Variants in TMEM177 observed in about 807,000 individuals in gnomAD.
TMEM177 encodes transmembrane protein 177.
Under a neutral mutation model 14.2 loss-of-function variants are expected in TMEM177, and 4 were observed. That is an observed-to-expected ratio of 0.28 (90% CI 0.14 to 0.64). TMEM177 has a LOEUF of 0.64. Among genes scored for constraint, TMEM177 ranks in the 30% least tolerant of loss-of-function variants. The probability of loss-of-function intolerance (pLI) is 0.82; values close to 1 mark genes in which losing one functional copy is unlikely to be tolerated. For missense variants in TMEM177, 344 were observed against 405.2 expected (o/e 0.85, Z 1.30); for synonymous variants, 179 against 174.5 (o/e 1.03, Z -0.20).
chr2:119,684,918 A>G (rs1414601904), downstream of TMEM177, among the ~76,000 whole-genome samples: 1 of 152,152 alleles, frequency 6.6e-6, no homozygotes, highest in Non-Finnish European at 1.5e-5. Flanking sequence ...GTGAAGAAAC[A>G]TGCTCTAGGG....
chr2:119,709,474 A>G, the TMEM177 span, among the ~76,000 whole-genome samples: 1 of 152,202 alleles, frequency 6.6e-6, no homozygotes, highest in East Asian at 1.9e-4. Flanking sequence ...CCAGGAGTCC[A>G]AGACCAGCCT....
intron 1 of TMEM177, chr2:119,679,506 A>T (rs1355523000): frequency 6.6e-6 from 1 of 151,614 alleles, no homozygotes; most frequent in Non-Finnish European, 1.5e-5. Flanking sequence ...AGCCCGAATG[A>T]TAATGATTCT....
the TMEM177 span, among the ~76,000 whole-genome samples, chr2:119,693,191 G>A: frequency 6.6e-6 from 1 of 152,154 alleles, no homozygotes; most frequent in African/African-American, 2.4e-5. Context: ...TGGCCGCAGT[G>A]AGGAGGTAGG....
At chr2:119,684,852 A>C (rs12711933), downstream of TMEM177, among the ~76,000 whole-genome samples, 1 of 152,140 alleles carries the variant, frequency 6.6e-6, no homozygotes, top group Non-Finnish European at 1.5e-5. Context: ...GGCTTTAGGA[A>C]GATTTTTTTA....
the TMEM177 span, among the ~76,000 whole-genome samples, chr2:119,694,332 C>T: frequency 6.6e-6 from 1 of 151,300 alleles, no homozygotes; most frequent in African/African-American, 2.4e-5. Flanking sequence ...ACTCACCTCA[C>T]CTCACACACA....
At position 119,681,550 on chromosome 2, in the gene TMEM177, C is replaced by T. The variant is rs746730147; in HGVS notation, c.697C>T (p.Arg233Cys). 1.4e-5 allele frequency: 22 copies of T among 1,614,180 alleles called. No individual in the cohort carries two copies. Among genetic ancestry groups the T allele is most frequent in the South Asian group, 9.9e-5 (9 of 91,088 alleles). Residue 233 changes from arginine (R) to cysteine (C), a missense_variant, in exon 2 of 2, where the codon CGC becomes TGC. Coordinates refer to ENST00000272521, the MANE Select transcript of TMEM177 (RefSeq NM_030577.3). Reference protein sequence around the residue: ...LTHAVESWLDRRTASLSAAYA... With the variant: ...LTHAVESWLDCRTASLSAAYA... ...TCATGCCGTGGAGTCCTGGCTGGAC[C>T]GCCGCACGGCCTCCCTCTCTGCAGC... is the stretch of plus-strand genomic sequence containing the variant.
the TMEM177 span, among the ~76,000 whole-genome samples, chr2:119,720,525 C>T: frequency 6.6e-6 from 1 of 152,180 alleles, no homozygotes; most frequent in Non-Finnish European, 1.5e-5. Context: ...CCACCTCGGC[C>T]TCCCAAAGTG....
the TMEM177 span, among the ~76,000 whole-genome samples, chr2:119,696,772 G>A: frequency 2.6e-5 from 4 of 152,160 alleles, no homozygotes; most frequent in African/African-American, 9.7e-5. Context: ...CAAGGGCAGA[G>A]GCCCTGAGGC....
the TMEM177 span, among the ~76,000 whole-genome samples, chr2:119,695,184 C>T: frequency 1.3e-5 from 2 of 152,302 alleles, no homozygotes; most frequent in South Asian, 4.1e-4. Flanking sequence ...AGCATAAGCT[C>T]AACGAAGGTG....
chr2:119,721,432 A>AT, the TMEM177 span, among the ~76,000 whole-genome samples: 1 of 152,180 alleles, frequency 6.6e-6, no homozygotes, highest in African/African-American at 2.4e-5. Flanking sequence ...TATGCTCTTG[A>AT]TTGATATTCT....
At chr2:119,683,220 C>T (rs995333220), downstream of TMEM177, among the ~76,000 whole-genome samples, 6 of 152,180 alleles carry the variant, frequency 3.9e-5, no homozygotes, top group African/African-American at 9.7e-5. Flanking sequence ...GGCCAGCTCA[C>T]GGGTCCTCAC....
chr2:119,696,619 A>G, the TMEM177 span, among the ~76,000 whole-genome samples: 1 of 152,162 alleles, frequency 6.6e-6, no homozygotes, highest in Non-Finnish European at 1.5e-5. Context: ...GGGACAAGGG[A>G]TGGGAAGGGC....
the TMEM177 span, among the ~76,000 whole-genome samples, chr2:119,700,591 TTACC>T: frequency 6.6e-6 from 1 of 152,288 alleles, no homozygotes; most frequent in East Asian, 1.9e-4. Flanking sequence ...GGTTAAGAAC[TTACC>T]TACAGTTGCA....
chr2:119,715,219 C>CA, the TMEM177 span, among the ~76,000 whole-genome samples: 3 of 152,044 alleles, frequency 2.0e-5, no homozygotes, highest in African/African-American at 7.2e-5. Flanking sequence ...CCTACATCTA[C>CA]AAAAAATAAA....
chr2:119,722,663 A>G, the TMEM177 span, among the ~76,000 whole-genome samples: 56 of 152,378 alleles, frequency 3.7e-4, no homozygotes, highest in African/African-American at 1.3e-3. Context: ...AGTGTCTAAC[A>G]TACAGTAACT....
At chr2:119,693,823 C>T in the TMEM177 span, among the ~76,000 whole-genome samples, 1 of 39,822 alleles carries the variant, frequency 2.5e-5, no homozygotes, top group East Asian at 7.2e-4. Context: ...ACATATCACA[C>T]ACAAACATAC....
chr2:119,692,969 C>CAAAAA, the TMEM177 span, among the ~76,000 whole-genome samples: 1 of 52,194 alleles, frequency 1.9e-5, no homozygotes, highest in African/African-American at 8.8e-5. Flanking sequence ...GAGATTGTCT[C>CAAAAA]AAAAAAAAAA....
chr2:119,704,185 G>A, the TMEM177 span, among the ~76,000 whole-genome samples: 1 of 152,222 alleles, frequency 6.6e-6, no homozygotes, highest in Non-Finnish European at 1.5e-5. Context: ...CTCCATGGAA[G>A]AGGAAGAACA....
the TMEM177 span, among the ~76,000 whole-genome samples, chr2:119,718,756 A>C: frequency 6.6e-6 from 1 of 151,806 alleles, no homozygotes; most frequent in Non-Finnish European, 1.5e-5. Flanking sequence ...GCTGCCACTG[A>C]GTAGGGATTG....
Sources: allele counts gnomAD v4.1 joint callset (sites outside exome capture counted in the v4.1 genomes callset), GRCh38; gene constraint gnomAD v4.1.1; transcripts MANE v1.5; gene names NCBI Gene and HGNC (gene_info 2026-07-23, HGNC 2026-07-21).